ZZEF1: variants seen among roughly 807,000 people sequenced by gnomAD.
ZZEF1 encodes the protein zinc finger ZZ-type and EF-hand domain containing 1.
Under a neutral mutation model 342.8 loss-of-function variants are expected in ZZEF1, and 157 were observed. The observed-to-expected ratio is 0.46, with a 90% CI of 0.40 to 0.52. ZZEF1 has a LOEUF of 0.52. ZZEF1 is among the 20% of genes least tolerant of loss of function. The probability of loss-of-function intolerance (pLI) is 0.00; values close to 1 mark genes in which losing one functional copy is unlikely to be tolerated. For missense variants in ZZEF1, 3,480 were observed against 3,725.6 expected, an observed-to-expected ratio of 0.93 and a Z score of 1.72; for synonymous variants, 1,505 against 1,429.1, an observed-to-expected ratio of 1.05 and a Z score of -1.20.
chr17:4,006,430 CAA>C lies in ZZEF1; in HGVS notation c.*458_*459del. On this transcript the variant is annotated 3_prime_UTR_variant, in exon 55 of 55. Coordinates refer to ENST00000381638, the MANE Select transcript of ZZEF1 (RefSeq NM_015113.4). Reference sequence around the variant, plus strand: ...GCCAGTTTTGGTTTGGTGTGAAAAGCAAAGAGGTGCTCCCAGGCTGGGCAGCC... The same window carrying C: ...GCCAGTTTTGGTTTGGTGTGAAAAGCAGAGGTGCTCCCAGGCTGGGCAGCC... 4.2e-6 allele frequency: 1 copy of C among 239,776 alleles called. No homozygotes were observed. Among genetic ancestry groups the C allele is most frequent in the South Asian group, 4.6e-5 (1 of 21,644 alleles). The allele number at this position is 239,776 out of a possible 1,614,324, so 14.9% of individuals were successfully genotyped here.
chr17:4,017,469 G>A lies in ZZEF1; in HGVS notation c.7903C>T (p.Pro2635Ser), dbSNP rs769321236. ...SLLAEWPSHV[P>S]VSEDILELSG... is the part of the protein sequence containing the mutation. ...AGCTCCAGGATGTCCTCGCTCACTGGCACGTGGCTAGGCCACTCGGCGAGC... is the reference window on the plus strand; with the variant it reads ...AGCTCCAGGATGTCCTCGCTCACTGACACGTGGCTAGGCCACTCGGCGAGC... The change falls in exon 48 of 55, where the codon CCA (proline) becomes TCA (serine). Residue 2635 changes from proline to serine, a missense_variant. By Grantham distance (74) the Pro-to-Ser change is moderately conservative (BLOSUM62 -1). Transcript: ENST00000381638. The surrounding 1 kb of genome is among the most constrained non-coding windows in gnomAD (Gnocchi z 5.1). 1 of 1,614,248 alleles carries A rather than the reference G, an allele frequency of 6.2e-7. No homozygotes were observed.
At chr17:4,060,859 T>A (rs2057272912) in intron 30 of ZZEF1, among the ~76,000 whole-genome samples, 1 of 152,156 alleles carries the variant, frequency 6.6e-6, no homozygotes, top group Non-Finnish European at 1.5e-5. Flanking sequence ...CCTCCCTGGT[T>A]CAATCAAAGG....
chr17:4,050,212 G>A (rs1404345308), intron 36 of ZZEF1, among the ~76,000 whole-genome samples: 1 of 152,206 alleles, frequency 6.6e-6, no homozygotes, highest in Non-Finnish European at 1.5e-5. Flanking sequence ...TATGGGAACT[G>A]CTCTAAGGTG....
intron 54 of ZZEF1, among the ~76,000 whole-genome samples, chr17:4,007,178 C>T (rs1206336998): frequency 6.6e-6 from 1 of 152,218 alleles, no homozygotes; most frequent in Non-Finnish European, 1.5e-5. Context: ...TAGGAATCAT[C>T]ACTGCCCAGA....
intron 46 of ZZEF1, among the ~76,000 whole-genome samples, chr17:4,019,209 G>A (rs548947322): frequency 3.9e-5 from 6 of 152,214 alleles, no homozygotes; most frequent in East Asian, 1.9e-4. Context: ...ATTAGGATAC[G>A]GGGGATGGAG....
At chr17:4,104,542 A>G (rs2058178507) in intron 8 of ZZEF1, 91 bp downstream of exon 8, 15 of 1,399,100 alleles carry the variant, frequency 1.1e-5, no homozygotes, top group Non-Finnish European at 1.5e-5. Flanking sequence ...CAAAAAGATG[A>G]GAAGATACCA....
intron 3 of ZZEF1, among the ~76,000 whole-genome samples, chr17:4,114,958 T>C (rs899580146): frequency 1.3e-5 from 2 of 152,210 alleles, no homozygotes; most frequent in African/African-American, 2.4e-5. Context: ...CATGATCAAA[T>C]GTATATATAA....
At chr17:4,134,032 T>C (rs1424106454) in intron 1 of ZZEF1, among the ~76,000 whole-genome samples, 4 of 152,134 alleles carry the variant, frequency 2.6e-5, no homozygotes, top group Non-Finnish European at 5.9e-5. Flanking sequence ...TAGATTCTAT[T>C]GATTCATCAA....
At chr17:4,060,455 G>A (rs2057259953) in intron 30 of ZZEF1, among the ~76,000 whole-genome samples, 2 of 151,986 alleles carry the variant, frequency 1.3e-5, no homozygotes, top group African/African-American at 2.4e-5. Flanking sequence ...AGGCCAAGGC[G>A]GGAGGATCAC....
In ZZEF1 at chr17:4,017,707, T is replaced by C; in HGVS notation, c.7665A>G (p.Gln2555=). The C allele has an allele frequency of 6.2e-7, 1 of 1,613,304 alleles. No individual in the cohort carries two copies. Among genetic ancestry groups the C allele is most frequent in the African/African-American group, 1.3e-5 (1 of 75,058 alleles). ...TCACAGGGTTCGATTCAGCAGTGGCTTGGTCACAGCGTGCAGGCCGGGACT... is the reference window on the plus strand; with the variant it reads ...TCACAGGGTTCGATTCAGCAGTGGCCTGGTCACAGCGTGCAGGCCGGGACT... The part of the protein sequence containing the change: ...PCLSRPARCD[Q]ATAESNPVTQ... Residue 2555 remains glutamine, a synonymous_variant, in exon 48 of 55, where the codon CAA becomes CAG. Transcript: ENST00000381638. The surrounding 1 kb of genome is among the most constrained non-coding windows in gnomAD (Gnocchi z 5.1).
At chr17:4,039,168 A>G (rs1465414074) in intron 39 of ZZEF1, among the ~76,000 whole-genome samples, 1 of 152,040 alleles carries the variant, frequency 6.6e-6, no homozygotes, top group Admixed American at 6.6e-5. Context: ...TGGAGGGTAG[A>G]TTCAAGGGGT....
chr17:4,065,759 A>G (rs1004649152), intron 28 of ZZEF1, among the ~76,000 whole-genome samples: 2 of 152,192 alleles, frequency 1.3e-5, no homozygotes, highest in Admixed American at 6.5e-5. Context: ...TATGAGTTTT[A>G]AAAAATAACA....
At chr17:4,064,854 TG>T in intron 28 of ZZEF1, 25 bp from the exon 29 acceptor site, 13 of 1,171,964 alleles carry the variant, frequency 1.1e-5, no homozygotes, top group East Asian at 2.8e-5. Context: ...GAATCATAAT[TG>T]AAAAAAAAAA....
chr17:4,042,377 C>T (rs2056821187), intron 39 of ZZEF1, 52 bp downstream of exon 39: 2 of 1,565,040 alleles, frequency 1.3e-6, no homozygotes, highest in South Asian at 2.4e-5. Flanking sequence ...CTTTCCAAAA[C>T]CTTCTTCTAT....
At position 4,004,908 on chromosome 17, in the gene ZZEF1, G is replaced by T. The variant is rs2055770831; in HGVS notation, c.*1982C>A. ...GAACTGCAGCGAAGATCCCAGAACAGCAAGGGCAGTGGGCGGACAGGTGCT... is the reference window on the plus strand; with the variant it reads ...GAACTGCAGCGAAGATCCCAGAACATCAAGGGCAGTGGGCGGACAGGTGCT... On this transcript the variant is annotated 3_prime_UTR_variant, in exon 55 of 55. Transcript: ENST00000381638. The T allele has an allele frequency of 6.6e-6, 1 of 152,344 alleles. No homozygotes were observed. Among genetic ancestry groups the T allele is most frequent in the Non-Finnish European group, 1.5e-5 (1 of 68,102 alleles). The allele number at this position is 152,344 out of a possible 1,614,324, so 9.4% of individuals were successfully genotyped here.
rs139714410 is a variant in ZZEF1 at position 4,018,889 on chromosome 17, G to A, written c.7505+780C>T. 4.0e-4 allele frequency among the ~76,000 whole-genome samples: 61 copies of A among 151,944 alleles called. 2 individuals carry two copies. In the East Asian group the frequency reaches 0.011, roughly 28 times the overall value. Reference sequence around the variant, plus strand: ...GCTAGAACCGAGAGGTGGGGTGGCCGAGGGAGCTTTCACTCCACAAATGAG... The same window carrying A: ...GCTAGAACCGAGAGGTGGGGTGGCCAAGGGAGCTTTCACTCCACAAATGAG... On this transcript the variant is annotated intron_variant, in intron 46 of 54. Coordinates refer to ENST00000381638, the MANE Select transcript of ZZEF1 (RefSeq NM_015113.4).
chr17:4,122,827 GAGAA>G (rs1031048345), intron 2 of ZZEF1, among the ~76,000 whole-genome samples: 30 of 152,068 alleles, frequency 2.0e-4, no homozygotes, highest in Admixed American at 3.3e-4. Context: ...GAGACAGAAA[GAGAA>G]AGAAAGAGGA....
chr17:4,087,783 AACACACACACACACACACACACACACAC>A (rs10522603), intron 13 of ZZEF1, among the ~76,000 whole-genome samples: 1 of 145,990 alleles, frequency 6.8e-6, no homozygotes, highest in Non-Finnish European at 1.5e-5. Context: ...ATATACACAC[AACACACACACACACACACACACACACAC>A]ACACACACAC....
intron 1 of ZZEF1, among the ~76,000 whole-genome samples, chr17:4,125,474 T>C (rs979695554): frequency 6.6e-6 from 1 of 152,170 alleles, no homozygotes; most frequent in Non-Finnish European, 1.5e-5. Context: ...CCAAAAACCA[T>C]GGGCATAAAT....
Sources: gnomAD v4.1 joint callset for allele counts (sites outside exome capture counted in the v4.1 genomes callset) on GRCh38, gnomAD v4.1.1 for gene constraint, Gnocchi (gnomAD v3.1) non-coding constraint, MANE v1.5 for transcripts, NCBI Gene and HGNC (gene_info 2026-07-23, HGNC 2026-07-21) for gene names.